The following NAP1L4 variants were observed in gnomAD, a reference collection of about 807,000 sequenced individuals.
NAP1L4 encodes nucleosome assembly protein 1 like 4, also known as nucleosome assembly protein 1-like 4.
Under a neutral mutation model 58.2 loss-of-function variants are expected in NAP1L4, and 15 were observed. The ratio of observed to expected loss-of-function variants is 0.26; its 90% CI spans 0.17 to 0.40. The LOEUF is 0.40. Among genes scored for constraint, NAP1L4 ranks in the 10% least tolerant of loss-of-function variants. The pLI, the probability that NAP1L4 is intolerant of heterozygous loss-of-function variation, is 1.00. For synonymous variants in NAP1L4, 171 were observed against 155.6 expected (o/e 1.10, Z -0.74); for missense variants, 384 against 451.1 (o/e 0.85, Z 1.35).
chr11:2,966,565 A>G (rs573483788), intron 7 of NAP1L4, among the ~76,000 whole-genome samples: 25 of 152,160 alleles, frequency 1.6e-4, no homozygotes, highest in Admixed American at 5.9e-4. Context: ...GTTGAGTCCT[A>G]ATTTTCAACT....
chr11:2,973,083 T>C (rs935542528), intron 4 of NAP1L4, among the ~76,000 whole-genome samples: 21 of 152,208 alleles, frequency 1.4e-4, no homozygotes, highest in African/African-American at 4.8e-4. Context: ...CATTCAAATA[T>C]GGCCTATTCA....
intron 1 of NAP1L4, among the ~76,000 whole-genome samples, chr11:2,979,875 G>A (rs7103151): frequency 0.01 from 1,554 of 151,896 alleles, 27 homozygotes; most frequent in African/African-American, 0.035. Flanking sequence ...TAATACATTC[G>A]GCAACACAAA....
At chr11:2,973,333 G>A (rs573555206) in intron 4 of NAP1L4, among the ~76,000 whole-genome samples, 1 of 152,128 alleles carries the variant, frequency 6.6e-6, no homozygotes, top group Non-Finnish European at 1.5e-5. Context: ...TGTTCAAAAC[G>A]AAGCCCCTGG....
Position 2,946,229 on chromosome 11 carries a change from C to T in NAP1L4, c.*33-583G>A, listed in dbSNP as rs1845934699. Reference sequence around the variant, plus strand: ...TGCACCAACAAATGATGAGCTGCCACTCCCAAGAGCTCCATCTGTCACTCA... The same window carrying T: ...TGCACCAACAAATGATGAGCTGCCATTCCCAAGAGCTCCATCTGTCACTCA... On this transcript the variant is annotated intron_variant, in intron 15 of 15. Coordinates refer to ENST00000380542, the MANE Select transcript of NAP1L4 (RefSeq NM_005969.4). The surrounding 1 kb of genome is among the most constrained non-coding windows in gnomAD (Gnocchi z 4.8). Among the ~76,000 whole-genome samples, 1 of 152,172 alleles carries T rather than the reference C, an allele frequency of 6.6e-6. No homozygotes were observed. Among genetic ancestry groups the T allele is most frequent in the South Asian group, 2.1e-4 (1 of 4,832 alleles).
At position 2,951,276 on chromosome 11, in the gene NAP1L4, C is replaced by T. The variant is rs748164532; in HGVS notation, c.1105G>A (p.Ala369Thr). 1 of 1,614,092 alleles carries T rather than the reference C, an allele frequency of 6.2e-7. No individual in the cohort carries two copies. Among genetic ancestry groups the T allele is most frequent in the Non-Finnish European group, 8.5e-7 (1 of 1,179,982 alleles). The change falls in exon 14 of 16, where the codon GCG (alanine) becomes ACG (threonine). Residue 369 changes from alanine to threonine, a missense_variant. By Grantham distance (58) the Ala-to-Thr change is moderately conservative. This residue lies in a region of NAP1L4 where 296 missense variants were observed against 360.8 expected (regional missense o/e 0.82). Coordinates refer to ENST00000380542, the MANE Select transcript of NAP1L4 (RefSeq NM_005969.4). The surrounding 1 kb of genome is among the most constrained non-coding windows in gnomAD (Gnocchi z 4.0). ...TTACCAACCTTGGGGTTAATTTCCG[C>T]ATCATCCTCGTCTTCTCCCTCCTCG... ...GDEEGEDEDD[A>T]EINPKV is the part of the protein sequence containing the mutation.
Position 2,954,748 on chromosome 11 carries a change from A to G in NAP1L4, c.916-102T>C, listed in dbSNP as rs1279259539. On this transcript the variant is annotated intron_variant, in intron 11 of 15. Transcript: ENST00000380542. This position sits in a 1 kb window ranked among gnomAD's most constrained non-coding sequence, Gnocchi z 4.8. The stretch of plus-strand genomic sequence containing the variant: ...CAGCCCCTCACTTTTGATTTACTTA[A>G]CTTAAAACACCAAACTCCTGCACTG... The G allele has an allele frequency of 6.8e-7, 1 of 1,480,768 alleles. No individual in the cohort carries two copies. Among genetic ancestry groups the G allele is most frequent in the Non-Finnish European group, 9.4e-7 (1 of 1,066,894 alleles). The allele number at this position is 1,480,768 out of a possible 1,614,324, so 91.7% of individuals were successfully genotyped here.
rs896245483 is a variant in NAP1L4 at position 2,955,160 on chromosome 11, G to A, written c.916-514C>T. On this transcript the variant is annotated intron_variant, in intron 11 of 15. Transcript: ENST00000380542. The surrounding 1 kb of genome is among the most constrained non-coding windows in gnomAD (Gnocchi z 4.2). ...CAGCCTCAAGCTCCTGGGCCCCAGC[G>A]ACCCTGGAACTACACAGTGCACCAC... Among the ~76,000 whole-genome samples, 36 of 151,480 alleles carry A rather than the reference G, an allele frequency of 2.4e-4. No homozygotes were observed. Among genetic ancestry groups the A allele is most frequent in the African/African-American group, 6.8e-4 (28 of 41,150 alleles).
chr11:2,972,927 C>T (rs567034425), intron 4 of NAP1L4, among the ~76,000 whole-genome samples: 39 of 152,172 alleles, frequency 2.6e-4, no homozygotes, highest in African/African-American at 8.4e-4. Context: ...GCTATGATTG[C>T]GCTACTGCAC....
intron 12 of NAP1L4, chr11:2,952,052 G>A: frequency 1.7e-6 from 1 of 592,880 alleles, no homozygotes; most frequent in Non-Finnish European, 3.0e-6. Flanking sequence ...GTCAGCCAGG[G>A]TGTACCCTGG....
chr11:2,977,336 C>T (rs1158961094), intron 3 of NAP1L4, among the ~76,000 whole-genome samples: 6 of 152,102 alleles, frequency 3.9e-5, no homozygotes, highest in South Asian at 2.1e-4. Context: ...GGGCAGGTGC[C>T]GAGCCAACAC....
intron 15 of NAP1L4, among the ~76,000 whole-genome samples, chr11:2,947,481 G>A (rs1457522050): frequency 2.6e-5 from 4 of 152,238 alleles, no homozygotes; most frequent in South Asian, 2.1e-4. Context: ...TGGGAAGGAA[G>A]GCAGCATGTG....
chr11:2,957,963 A>C (rs1846640366), intron 10 of NAP1L4, among the ~76,000 whole-genome samples: 1 of 152,258 alleles, frequency 6.6e-6, no homozygotes, highest in Non-Finnish European at 1.5e-5. Context: ...CCTGCAGAGC[A>C]AACCCAGCAG....
chr11:2,961,237 A>T (rs978682085), intron 8 of NAP1L4, among the ~76,000 whole-genome samples: 3 of 152,166 alleles, frequency 2.0e-5, no homozygotes, highest in African/African-American at 7.2e-5. Context: ...AGAAAGGTGG[A>T]GGAGGAGGCG....
At chr11:2,982,452 C>A (rs1416889882) in intron 1 of NAP1L4, among the ~76,000 whole-genome samples, 1 of 152,270 alleles carries the variant, frequency 6.6e-6, no homozygotes, top group Non-Finnish European at 1.5e-5. Flanking sequence ...AGTAACACCT[C>A]GTAAAGACAC....
In NAP1L4 at chr11:2,951,545, T is replaced by C. The variant is rs145310782; in HGVS notation, c.1066-230A>G. ...TTCTGAAAAAGTAGATTTTGTTAAA[T>C]GATTATTTTCTAAGATACATTTTCA... is the stretch of plus-strand genomic sequence containing the variant. On this transcript the variant is annotated intron_variant, in intron 13 of 15. Transcript: ENST00000380542. This position sits in a 1 kb window ranked among gnomAD's most constrained non-coding sequence, Gnocchi z 4.0. 2.6e-5 allele frequency among the ~76,000 whole-genome samples: 4 copies of C among 152,344 alleles called. No individual in the cohort carries two copies. The East Asian group carries it at 7.7e-4, about 29-fold the overall frequency.
rs191863109 is a variant in NAP1L4, at chr11:2,970,280, A to G, written c.403-346T>C. 5.6e-3 allele frequency among the ~76,000 whole-genome samples: 851 copies of G among 152,302 alleles called. 5 individuals carry two copies. Among genetic ancestry groups the G allele is most frequent in the Non-Finnish European group, 8.1e-3 (548 of 68,018 alleles). On this transcript the variant is annotated intron_variant, in intron 6 of 15. Coordinates refer to ENST00000380542, the MANE Select transcript of NAP1L4 (RefSeq NM_005969.4). ...CATCATCACAAATGCAGATGCAAAG[A>G]CTGTACATCAACCTTAAGGAGATGC... is the stretch of plus-strand genomic sequence containing the variant.
rs539128905 is a variant in NAP1L4, at chr11:2,959,519, C to G, written c.746+251G>C. Among the ~76,000 whole-genome samples, 2 of 152,188 alleles carry G rather than the reference C, an allele frequency of 1.3e-5. No individual in the cohort carries two copies. The highest frequency in any genetic ancestry group is 2.9e-5 in the Non-Finnish European group (2 of 68,038). On this transcript the variant is annotated intron_variant, in intron 9 of 15. Coordinates refer to ENST00000380542, the MANE Select transcript of NAP1L4 (RefSeq NM_005969.4). This position sits in a 1 kb window ranked among gnomAD's most constrained non-coding sequence, Gnocchi z 4.9. ...CACTACTTTCATTAAAATGAAGAAA[C>G]AGGGCACTATCCCAAAGGCTTGCAT... is the stretch of plus-strand genomic sequence containing the variant.
At chr11:2,983,658 A>G (rs1439546050) in intron 1 of NAP1L4, 1 of 152,156 alleles carries the variant, frequency 6.6e-6, no homozygotes, top group Non-Finnish European at 1.5e-5. Flanking sequence ...AAAAAAGAAA[A>G]TAATTTTGAC....
At chr11:2,972,009 C>T in intron 5 of NAP1L4, 93 bp downstream of exon 5, 1 of 1,314,714 alleles carries the variant, frequency 7.6e-7, no homozygotes, top group African/African-American at 1.5e-5. Context: ...GCGTTCTTAC[C>T]CTAGATGTTG....
Sources: allele counts gnomAD v4.1 joint callset (sites outside exome capture counted in the v4.1 genomes callset), GRCh38; gene constraint gnomAD v4.1.1; regional missense constraint gnomAD v4.1.1; non-coding constraint Gnocchi (gnomAD v3.1); transcripts MANE v1.5; gene names NCBI Gene and HGNC (gene_info 2026-07-23, HGNC 2026-07-21).